Variants in ACOT12 observed in about 807,000 individuals in gnomAD.
ACOT12 encodes acyl-CoA thioesterase 12, also known as acetyl-coenzyme A thioesterase.
A neutral mutation model predicts 67.7 loss-of-function variants in ACOT12; 51 were observed. The observed-to-expected ratio is 0.75, with a 90% CI of 0.60 to 0.95. ACOT12 has a LOEUF of 0.95. ACOT12 is among the 40% of genes least tolerant of loss of function. The pLI is 0.00. For missense variants in ACOT12, 734 were observed against 708.1 expected, an observed-to-expected ratio of 1.04 and a Z score of -0.41; for synonymous variants, 251 against 244.6, an observed-to-expected ratio of 1.03 and a Z score of -0.24.
At chr5:81,356,371 C>G (rs1759715242) in intron 5 of ACOT12, among the ~76,000 whole-genome samples, 1 of 152,158 alleles carries the variant, frequency 6.6e-6, no homozygotes, top group South Asian at 2.1e-4. Context: ...TCCCTGCACC[C>G]CTCTGATTAG....
rs758454253 is a variant in ACOT12, at chr5:81,371,805, C to A, written c.203G>T (p.Gly68Val). 6.2e-7 allele frequency: 1 copy of A among 1,613,900 alleles called. No homozygotes were observed. Among genetic ancestry groups the A allele is most frequent in the South Asian group, 1.1e-5 (1 of 91,060 alleles). Reference protein sequence around the residue: ...DIQFEETARVGQVITIKAKVT... With the variant: ...DIQFEETARVVQVITIKAKVT... ...TTTTGCTTTGATGGTTATAACTTGT[C>A]CAACTCTAGGGAAAAACAAACAAAA... Residue 68 changes from glycine to valine, a missense_variant, in exon 3 of 15, where the codon GGA (glycine) becomes GTA (valine). Physicochemically the swap from Gly to Val is moderately radical, Grantham distance 109. Coordinates refer to ENST00000307624, the MANE Select transcript of ACOT12 (RefSeq NM_130767.3).
chr5:81,388,653 G>C (rs1760790560), intron 1 of ACOT12, among the ~76,000 whole-genome samples: 1 of 152,178 alleles, frequency 6.6e-6, no homozygotes, highest in Non-Finnish European at 1.5e-5. Context: ...GAAACAGCCA[G>C]GACCCCTGCT....
the ACOT12 span, chr5:81,308,801 T>C: frequency 6.7e-7 from 1 of 1,497,174 alleles, no homozygotes; most frequent in Non-Finnish European, 9.0e-7. Flanking sequence ...TTGTTACGAG[T>C]GTGCCACTTA....
At chr5:81,343,285 T>C (rs1409880057) in intron 10 of ACOT12, among the ~76,000 whole-genome samples, 2 of 152,042 alleles carry the variant, frequency 1.3e-5, no homozygotes, top group Non-Finnish European at 2.9e-5. Context: ...AGGTAACATA[T>C]ACTTTTTATC....
At chr5:81,369,054 C>T (rs1760165732) in intron 3 of ACOT12, among the ~76,000 whole-genome samples, 1 of 151,662 alleles carries the variant, frequency 6.6e-6, no homozygotes, top group South Asian at 2.1e-4. Flanking sequence ...AACTGTATAA[C>T]TTTGTCAAAG....
intron 2 of ACOT12, among the ~76,000 whole-genome samples, chr5:81,376,139 C>T (rs2153857090): frequency 6.6e-6 from 1 of 152,222 alleles, no homozygotes; most frequent in Non-Finnish European, 1.5e-5. Flanking sequence ...AACAAACAGT[C>T]TCTCAGACCA....
In ACOT12 at chr5:81,343,820, G is replaced by T. The variant is rs1194071926; in HGVS notation, c.1042C>A (p.Gln348Lys). ...PLCIHWDISK[Q>K]ASLSDSNVEA... ...AGCTCCAAATCACAAAACATCACCTGCTTGCTGATATCCCAGTGTATGCAA... is the reference window on the plus strand; with the variant it reads ...AGCTCCAAATCACAAAACATCACCTTCTTGCTGATATCCCAGTGTATGCAA... The change falls in exon 10 of 15, where the codon CAG becomes AAG. Residue 348 changes from glutamine to lysine, a missense_variant and splice_region_variant. Physicochemically the swap from Gln to Lys is moderately conservative, Grantham distance 53 (BLOSUM62 1). Transcript: ENST00000307624. 15 of 1,611,630 alleles carry T rather than the reference G, an allele frequency of 9.3e-6. No individual in the cohort carries two copies. The highest frequency in any genetic ancestry group is 1.3e-5 in the Non-Finnish European group (15 of 1,179,418).
chr5:81,387,785 T>A (rs1760769630), intron 1 of ACOT12, among the ~76,000 whole-genome samples: 1 of 152,170 alleles, frequency 6.6e-6, no homozygotes, highest in African/African-American at 2.4e-5. Flanking sequence ...ACTCAAGTGA[T>A]CCTCCTGCCT....
Position 81,371,801 on chromosome 5 carries a change from T to C in ACOT12, c.207A>G (p.Gln69=). Residue 69 remains glutamine (Q), a synonymous_variant, in exon 3 of 15, where the codon CAA becomes CAG. Coordinates refer to ENST00000307624, the MANE Select transcript of ACOT12 (RefSeq NM_130767.3). ...TAACTTTTGCTTTGATGGTTATAAC[T>C]TGTCCAACTCTAGGGAAAAACAAAC... The part of the protein sequence containing the change: ...IQFEETARVG[Q]VITIKAKVTR... 2.5e-6 allele frequency: 4 copies of C among 1,614,098 alleles called. No individual in the cohort carries two copies. Among genetic ancestry groups the C allele is most frequent in the Non-Finnish European group, 3.4e-6 (4 of 1,179,978 alleles).
the ACOT12 span, among the ~76,000 whole-genome samples, chr5:81,323,891 T>C: frequency 2.2e-5 from 3 of 138,492 alleles, no homozygotes; most frequent in African/African-American, 7.6e-5. Flanking sequence ...TATGTATACA[T>C]ATATACGTAT....
chr5:81,381,622 AAAG>A (rs1307020493), intron 2 of ACOT12, among the ~76,000 whole-genome samples: 5 of 152,192 alleles, frequency 3.3e-5, no homozygotes, highest in Non-Finnish European at 5.9e-5. Context: ...ACATTAAAAA[AAAG>A]AAGGATACAG....
intron 12 of ACOT12, among the ~76,000 whole-genome samples, chr5:81,334,275 G>A (rs1758925205): frequency 1.3e-5 from 2 of 152,198 alleles, no homozygotes; most frequent in South Asian, 4.1e-4. Flanking sequence ...CAGAGGGTCT[G>A]ATCGAGCTGA....
At chr5:81,374,482 A>G (rs1348340368) in intron 2 of ACOT12, among the ~76,000 whole-genome samples, 1 of 152,204 alleles carries the variant, frequency 6.6e-6, no homozygotes, top group East Asian at 1.9e-4. Context: ...AACTGGATGG[A>G]GAATGAGTTT....
rs1163980911 is a variant in ACOT12 at position 81,360,055 on chromosome 5, AT to A, written c.361-18del. The A allele has an allele frequency of 2.5e-6, 4 of 1,590,488 alleles. No homozygotes were observed. The African/African-American group carries it at 5.4e-5, about 22-fold the overall frequency. The stretch of plus-strand genomic sequence containing the variant: ...TAAATGAATCTAGAGAAAGAAAAGC[AT>A]TTATCTTTTATTGCCTTGTTAAATT... On this transcript the variant is annotated intron_variant, in intron 4 of 14. Transcript: ENST00000307624.
At chr5:81,379,490 A>C (rs1760517534) in intron 2 of ACOT12, among the ~76,000 whole-genome samples, 1 of 152,274 alleles carries the variant, frequency 6.6e-6, no homozygotes, top group Non-Finnish European at 1.5e-5. Flanking sequence ...AATAATAAAA[A>C]AAAAAGCACC....
At chr5:81,327,207 TAC>T (rs71992916), downstream of ACOT12, among the ~76,000 whole-genome samples, 22,420 of 144,854 alleles carry the variant, frequency 0.15, 2,062 homozygotes, top group Admixed American at 0.29. Context: ...ATAATATATA[TAC>T]ACACACACAC....
the ACOT12 span, among the ~76,000 whole-genome samples, chr5:81,315,448 T>G: frequency 6.6e-6 from 1 of 152,212 alleles, no homozygotes; most frequent in Non-Finnish European, 1.5e-5. Flanking sequence ...ATAGCTCTAT[T>G]TGTTCCCTCT....
At chr5:81,316,848 A>C in the ACOT12 span, among the ~76,000 whole-genome samples, 6 of 152,154 alleles carry the variant, frequency 3.9e-5, no homozygotes, top group African/African-American at 1.4e-4. Flanking sequence ...GCCATTTGTT[A>C]TATGATCTCT....
chr5:81,345,496 T>C (rs1308617599), intron 7 of ACOT12, among the ~76,000 whole-genome samples: 1 of 152,114 alleles, frequency 6.6e-6, no homozygotes, highest in East Asian at 1.9e-4. Context: ...TCATTGTGTA[T>C]CAAGAATAAT....
Sources: gnomAD v4.1 joint callset for allele counts (sites outside exome capture counted in the v4.1 genomes callset) on GRCh38, gnomAD v4.1.1 for gene constraint, MANE v1.5 for transcripts, NCBI Gene and HGNC (gene_info 2026-07-23, HGNC 2026-07-21) for gene names.